The following FARS2 variants were observed in gnomAD, a reference collection of about 807,000 sequenced individuals.
The protein encoded by FARS2 is phenylalanyl-tRNA synthetase 2, mitochondrial, also known as phenylalanine--tRNA ligase, mitochondrial.
FARS2 carries 40 observed loss-of-function variants against 46.4 expected under a neutral mutation model. The observed-to-expected ratio is 0.86, with a 90% CI of 0.67 to 1.12. The LOEUF (loss-of-function observed/expected upper bound fraction) is 1.12. Ranked by LOEUF, FARS2 falls within the 50% of genes most tolerant of loss-of-function variation. The probability of loss-of-function intolerance (pLI) is 0.00; values close to 1 mark genes in which losing one functional copy is unlikely to be tolerated. For missense variants in FARS2, 513 were observed against 567.9 expected, an observed-to-expected ratio of 0.90 and a Z score of 0.98; for synonymous variants, 234 against 214.9, an observed-to-expected ratio of 1.09 and a Z score of -0.78.
chr6:5,438,176 A>T (rs1176243041), intron 4 of FARS2, among the ~76,000 whole-genome samples: 2 of 150,912 alleles, frequency 1.3e-5, no homozygotes, highest in African/African-American at 2.4e-5. Flanking sequence ...CTTTTTTTTT[A>T]AAAAAATTAT....
At chr6:5,667,391 G>C (rs925619041) in intron 6 of FARS2, among the ~76,000 whole-genome samples, 1 of 151,874 alleles carries the variant, frequency 6.6e-6, no homozygotes, top group African/African-American at 2.4e-5. Flanking sequence ...GGTGGTGCAT[G>C]CCTAAAGTCC....
intron 4 of FARS2, among the ~76,000 whole-genome samples, chr6:5,445,582 A>G (rs1403933167): frequency 6.6e-6 from 1 of 152,218 alleles, no homozygotes; most frequent in Non-Finnish European, 1.5e-5. Flanking sequence ...AGAATTGGAT[A>G]TTACTGGGTG....
chr6:5,409,365 C>T (rs1177598283), intron 3 of FARS2, among the ~76,000 whole-genome samples: 3 of 151,996 alleles, frequency 2.0e-5, no homozygotes, highest in South Asian at 2.1e-4. Flanking sequence ...GCAGGAGAAT[C>T]GCTTGAACCT....
chr6:5,682,269 AT>A (rs1779073301), intron 6 of FARS2, among the ~76,000 whole-genome samples: 1 of 152,248 alleles, frequency 6.6e-6, no homozygotes, highest in African/African-American at 2.4e-5. Context: ...ATGTAAAAAT[AT>A]ACATTTGTAT....
At chr6:5,715,738 G>A (rs184287417) in intron 6 of FARS2, among the ~76,000 whole-genome samples, 26 of 152,316 alleles carry the variant, frequency 1.7e-4, no homozygotes, top group Admixed American at 1.4e-3. Flanking sequence ...CAGTTGGACT[G>A]CTTTCACATT....
intron 1 of FARS2, among the ~76,000 whole-genome samples, chr6:5,320,491 C>CT (rs1460732224): frequency 1.3e-5 from 2 of 152,234 alleles, no homozygotes; most frequent in Admixed American, 1.3e-4. Context: ...GCACCTGCTT[C>CT]TTTCTTTCCT....
intron 4 of FARS2, among the ~76,000 whole-genome samples, chr6:5,532,152 C>T (rs114084497): frequency 0.028 from 4,239 of 152,214 alleles, 171 homozygotes; most frequent in African/African-American, 0.097. Flanking sequence ...TTATAGTCAA[C>T]CAGGAAATCA....
chr6:5,580,167 G>A (rs1335176974), intron 5 of FARS2, among the ~76,000 whole-genome samples: 1 of 151,138 alleles, frequency 6.6e-6, no homozygotes, highest in Non-Finnish European at 1.5e-5. Context: ...GTGCGCACCT[G>A]TAATCCCAGC....
chr6:5,327,637 T>C (rs1770494111), intron 1 of FARS2, among the ~76,000 whole-genome samples: 1 of 152,224 alleles, frequency 6.6e-6, no homozygotes, highest in Non-Finnish European at 1.5e-5. Flanking sequence ...TGTGAAACTG[T>C]GATGCCATTA....
At chr6:5,276,507 T>G (rs1766344653) in intron 1 of FARS2, among the ~76,000 whole-genome samples, 1 of 152,208 alleles carries the variant, frequency 6.6e-6, no homozygotes, top group Admixed American at 6.5e-5. Flanking sequence ...TCACTCTATT[T>G]GATAACAATA....
rs10526282 is a variant in FARS2 at position 5,392,735 on chromosome 6, T to TACAC, written c.613-11775_613-11772dup. Among the ~76,000 whole-genome samples, 731 of 142,354 alleles carry TACAC rather than the reference T, an allele frequency of 5.1e-3. 19 individuals carry two copies. The highest frequency in any genetic ancestry group is 0.031 in the Admixed American group (428 of 13,808). The allele number at this position is 142,354 out of a possible 152,430, so 93.4% of individuals were successfully genotyped here. A position where few individuals can be genotyped will look rare whatever the true frequency, so the allele number is the denominator to read the frequency against. The stretch of plus-strand genomic sequence containing the variant: ...ACACTTGCTCTAAAATATATATATA[T>TACAC]ACACACACACACACACACACACACA... On this transcript the variant is annotated intron_variant, in intron 2 of 6. Transcript: ENST00000274680.
chr6:5,662,928 C>T (rs1777916624), intron 6 of FARS2, among the ~76,000 whole-genome samples: 1 of 152,178 alleles, frequency 6.6e-6, no homozygotes, highest in Non-Finnish European at 1.5e-5. Flanking sequence ...GCATAAAGCT[C>T]TTGGAACAAT....
intron 2 of FARS2, among the ~76,000 whole-genome samples, chr6:5,386,238 G>T (rs778084930): frequency 2.0e-5 from 3 of 152,278 alleles, no homozygotes; most frequent in Non-Finnish European, 4.4e-5. Flanking sequence ...GTGAGTAGCA[G>T]ATTGAAGGAA....
chr6:5,497,357 C>T (rs575207168), intron 4 of FARS2, among the ~76,000 whole-genome samples: 18 of 152,276 alleles, frequency 1.2e-4, no homozygotes, highest in African/African-American at 4.3e-4. Context: ...CAGGGGCCAG[C>T]ATCGTTGCAA....
chr6:5,553,036 T>A (rs1318136555), intron 5 of FARS2, among the ~76,000 whole-genome samples: 1 of 152,236 alleles, frequency 6.6e-6, no homozygotes, highest in African/African-American at 2.4e-5. Context: ...TTACTCAACA[T>A]TGTACATTTT....
At chr6:5,738,810 T>A (rs1401377211) in intron 6 of FARS2, among the ~76,000 whole-genome samples, 2 of 151,998 alleles carry the variant, frequency 1.3e-5, no homozygotes, top group African/African-American at 2.4e-5. Flanking sequence ...CCTGAAAGCA[T>A]AAAACTTTAA....
In FARS2 at chr6:5,720,216, A is replaced by G. The variant is rs191193302; in HGVS notation, c.1218-51075A>G. 1.7e-3 allele frequency among the ~76,000 whole-genome samples: 265 copies of G among 152,320 alleles called. 1 individual carries two copies. The highest frequency in any genetic ancestry group is 2.9e-3 in the Admixed American group (45 of 15,306). The stretch of plus-strand genomic sequence containing the variant: ...TTGATGTAGGCACTTAAGAAAAAGG[A>G]AGGGATAAAAAATAGTTGGAGACAT... On this transcript the variant is annotated intron_variant, in intron 6 of 6. Transcript: ENST00000274680.
chr6:5,527,272 G>A (rs746740350), intron 4 of FARS2, among the ~76,000 whole-genome samples: 1 of 152,238 alleles, frequency 6.6e-6, no homozygotes, highest in African/African-American at 2.4e-5. Flanking sequence ...GAGGGACTGC[G>A]TTGACCCTGC....
At chr6:5,324,270 C>T (rs116624707) in intron 1 of FARS2, among the ~76,000 whole-genome samples, 3,378 of 152,218 alleles carry the variant, frequency 0.022, 53 homozygotes, top group Non-Finnish European at 0.033. Context: ...GAGAGAGAAT[C>T]ATGCATATGC....
Sources: allele counts gnomAD v4.1 joint callset (sites outside exome capture counted in the v4.1 genomes callset), GRCh38; gene constraint gnomAD v4.1.1; transcripts MANE v1.5; gene names NCBI Gene and HGNC (gene_info 2026-07-23, HGNC 2026-07-21).